The following ALG14 variants were observed in gnomAD, a reference collection of about 807,000 sequenced individuals.
ALG14 encodes ALG14 UDP-N-acetylglucosaminyltransferase subunit.
In ALG14, 17 loss-of-function variants were observed where a neutral mutation model predicts 22.8. The ratio of observed to expected loss-of-function variants is 0.75; its 90% CI spans 0.51 to 1.12. The LOEUF is 1.12. Among genes scored for constraint, ALG14 ranks in the 50% most tolerant of loss-of-function variants. ALG14 has a pLI of 0.00. For synonymous variants in ALG14, 89 were observed against 103.7 expected, an observed-to-expected ratio of 0.86 and a Z score of 0.86; for missense variants, 288 against 271.8, an observed-to-expected ratio of 1.06 and a Z score of -0.42.
intron 2 of ALG14, among the ~76,000 whole-genome samples, chr1:95,064,231 G>T (rs534645979): frequency 6.6e-6 from 1 of 152,260 alleles, no homozygotes; most frequent in South Asian, 2.1e-4. Context: ...TGCAAGCAAG[G>T]ATAATTTGAC....
intron 2 of ALG14, chr1:95,062,139 G>C (rs1675184432): frequency 6.6e-6 from 1 of 152,136 alleles, no homozygotes; most frequent in Non-Finnish European, 1.5e-5. Flanking sequence ...CACATTGATA[G>C]AGAGCTTTAA....
chr1:95,067,181 T>A (rs549107656), intron 1 of ALG14: 1 of 152,296 alleles, frequency 6.6e-6, no homozygotes, highest in South Asian at 2.1e-4. Flanking sequence ...CAAAAGACTA[T>A]ACCAAAACCA....
At chr1:95,024,809 T>C (rs1673765923) in intron 3 of ALG14, among the ~76,000 whole-genome samples, 1 of 152,214 alleles carries the variant, frequency 6.6e-6, no homozygotes, top group South Asian at 2.1e-4. Context: ...TAATTCTAGC[T>C]CTGTTGCTAC....
chr1:95,017,583 G>A (rs982921617), intron 3 of ALG14, among the ~76,000 whole-genome samples: 2 of 152,118 alleles, frequency 1.3e-5, no homozygotes, highest in Non-Finnish European at 2.9e-5. Context: ...GGGGAGAGGT[G>A]TAGATGAGAG....
rs577967679 is a variant in ALG14, at chr1:95,069,271, T to A, written c.136+3492A>T. Reference sequence around the variant, plus strand: ...TCTCAGAATCGCTTGATCCCAGGATTTAGAGGCAAGCCTGGGTACATAACA... The same window carrying A: ...TCTCAGAATCGCTTGATCCCAGGATATAGAGGCAAGCCTGGGTACATAACA... On this transcript the variant is annotated intron_variant, in intron 1 of 3. Transcript: ENST00000370205. Among the ~76,000 whole-genome samples, 10 of 152,264 alleles carry A rather than the reference T, an allele frequency of 6.6e-5. 2 individuals are homozygous for A. The highest frequency in any genetic ancestry group is 2.4e-4 in the African/African-American group (10 of 41,566).
chr1:95,023,854 CTT>C (rs1285437186), intron 3 of ALG14, among the ~76,000 whole-genome samples: 1 of 151,812 alleles, frequency 6.6e-6, no homozygotes, highest in East Asian at 1.9e-4. Flanking sequence ...GAGTGGGTGT[CTT>C]TGTTTTTGTG....
chr1:95,026,476 G>A (rs1207612240), intron 3 of ALG14, among the ~76,000 whole-genome samples: 1 of 151,668 alleles, frequency 6.6e-6, no homozygotes, highest in Non-Finnish European at 1.5e-5. Context: ...GTGTGTGTGT[G>A]TGTGTGTGTG....
intron 3 of ALG14, among the ~76,000 whole-genome samples, chr1:94,999,343 ATTTTTTTTTT>A (rs548389921): frequency 1.4e-4 from 15 of 108,776 alleles, no homozygotes; most frequent in African/African-American, 5.0e-4. Flanking sequence ...CAGTAGACCC[ATTTTTTTTTT>A]TTTTTTTTTT....
At chr1:95,060,962 C>T (rs564644517) in intron 2 of ALG14, among the ~76,000 whole-genome samples, 9 of 152,016 alleles carry the variant, frequency 5.9e-5, no homozygotes, top group Non-Finnish European at 1.2e-4. Flanking sequence ...TAAATCCAAC[C>T]GGTATCCTCA....
chr1:95,059,417 A>C (rs866429456), intron 2 of ALG14, among the ~76,000 whole-genome samples: 38 of 148,538 alleles, frequency 2.6e-4, no homozygotes, highest in African/African-American at 8.5e-4. Flanking sequence ...AAAAAAAAAA[A>C]AAACATATTA....
intron 3 of ALG14, among the ~76,000 whole-genome samples, chr1:94,992,539 G>A (rs1672801513): frequency 6.6e-6 from 1 of 151,456 alleles, no homozygotes; most frequent in Non-Finnish European, 1.5e-5. Context: ...AGTTACTGAG[G>A]ACCAATGGAA....
chr1:94,980,572 C>T lies in ALG14; in HGVS notation c.*2504G>A, dbSNP rs964197087. On this transcript the variant is annotated 3_prime_UTR_variant, in exon 4 of 4. Coordinates refer to ENST00000370205, the MANE Select transcript of ALG14 (RefSeq NM_144988.4). Reference sequence around the variant, plus strand: ...CTTCTTCAGTTTGAGTTGGGACTGGCGCACTATCTTTCTGAATGTCACAGA... The same window carrying T: ...CTTCTTCAGTTTGAGTTGGGACTGGTGCACTATCTTTCTGAATGTCACAGA... 6 of 152,174 alleles carry T rather than the reference C, an allele frequency of 3.9e-5. No individual in the cohort carries two copies. The highest frequency in any genetic ancestry group is 7.3e-5 in the Non-Finnish European group (5 of 68,036). The allele number at this position is 152,174 out of a possible 1,614,324, so 9.4% of individuals were successfully genotyped here. A position where few individuals can be genotyped will look rare whatever the true frequency, so the allele number is the denominator to read the frequency against.
intron 3 of ALG14, among the ~76,000 whole-genome samples, chr1:94,988,003 T>G (rs1208795210): frequency 6.6e-6 from 1 of 152,150 alleles, no homozygotes; most frequent in South Asian, 2.1e-4. Flanking sequence ...TCATGAACTG[T>G]AGGAACACAG....
chr1:95,033,444 C>T (rs576145405), intron 2 of ALG14, among the ~76,000 whole-genome samples: 31 of 145,694 alleles, frequency 2.1e-4, no homozygotes, highest in African/African-American at 7.0e-4. Flanking sequence ...CACACACACA[C>T]ATACATATAT....
intron 2 of ALG14, among the ~76,000 whole-genome samples, chr1:95,030,390 A>C (rs1489359869): frequency 1.3e-5 from 2 of 152,134 alleles, no homozygotes; most frequent in Non-Finnish European, 2.9e-5. Context: ...ACTACATTTG[A>C]ATCCAGTAAG....
chr1:94,989,415 T>C (rs1412653493), intron 3 of ALG14, among the ~76,000 whole-genome samples: 2 of 152,206 alleles, frequency 1.3e-5, no homozygotes, highest in African/African-American at 4.8e-5. Flanking sequence ...TGAGCTGTGG[T>C]TGCAGGCAAA....
At chr1:95,028,722 C>G (rs1405283466) in intron 2 of ALG14, among the ~76,000 whole-genome samples, 2 of 151,936 alleles carry the variant, frequency 1.3e-5, no homozygotes, top group Non-Finnish European at 2.9e-5. Flanking sequence ...TTGCTTGAAC[C>G]TTGGAGGCAG....
chr1:95,027,598 T>G (rs918350510), intron 2 of ALG14, among the ~76,000 whole-genome samples: 20 of 152,228 alleles, frequency 1.3e-4, no homozygotes, highest in African/African-American at 4.8e-4. Context: ...AGTAACCTAG[T>G]ATCAAGATGG....
intron 2 of ALG14, among the ~76,000 whole-genome samples, chr1:95,057,648 A>G (rs72720255): frequency 0.063 from 6,248 of 99,168 alleles, 260 homozygotes; most frequent in East Asian, 0.17. Flanking sequence ...GTGTGTGTGT[A>G]TGTAGATATA....
Sources: gnomAD v4.1 joint callset for allele counts (sites outside exome capture counted in the v4.1 genomes callset) on GRCh38, gnomAD v4.1.1 for gene constraint, MANE v1.5 for transcripts, NCBI Gene and HGNC (gene_info 2026-07-23, HGNC 2026-07-21) for gene names.